GPD2: variants seen among roughly 807,000 people sequenced by gnomAD.
GPD2 encodes glycerol-3-phosphate dehydrogenase, mitochondrial.
In GPD2, 54 loss-of-function variants were observed where a neutral mutation model predicts 82.4. The observed-to-expected ratio is 0.66, with a 90% CI of 0.53 to 0.82. The LOEUF (loss-of-function observed/expected upper bound fraction) is 0.82. Ranked by LOEUF, GPD2 falls within the 40% of genes least tolerant of loss-of-function variation. The pLI, the probability that GPD2 is intolerant of heterozygous loss-of-function variation, is 0.00. For missense variants in GPD2, 748 were observed against 896.2 expected (o/e 0.83, Z 2.11); for synonymous variants, 288 against 306.1 (o/e 0.94, Z 0.62).
intron 13 of GPD2, 38 bp from the exon 14 acceptor site, chr2:156,578,851 C>G: frequency 8.6e-7 from 1 of 1,156,728 alleles, no homozygotes. Context: ...ATCAATATTT[C>G]CATGTGTCTT....
the GPD2 span, among the ~76,000 whole-genome samples, chr2:156,416,033 A>C: frequency 1.0e-5 from 1 of 98,646 alleles, no homozygotes; most frequent in Non-Finnish European, 2.6e-5. Flanking sequence ...AAAAAAAAAA[A>C]AACAAAAACA....
chr2:156,544,576 C>G (rs534806645), intron 6 of GPD2, among the ~76,000 whole-genome samples: 148 of 152,256 alleles, frequency 9.7e-4, no homozygotes, highest in Non-Finnish European at 1.7e-3. Flanking sequence ...TGATGAAACA[C>G]TTATCTTTTC....
intron 6 of GPD2, among the ~76,000 whole-genome samples, chr2:156,532,205 C>T (rs1269580462): frequency 6.6e-6 from 1 of 152,138 alleles, no homozygotes; most frequent in African/African-American, 2.4e-5. Context: ...CAAGGCCTTG[C>T]TTTGTTGCCC....
intron 4 of GPD2, among the ~76,000 whole-genome samples, chr2:156,511,677 A>G (rs947128957): frequency 1.3e-5 from 2 of 152,212 alleles, no homozygotes; most frequent in Non-Finnish European, 2.9e-5. Context: ...CTCAAAATCT[A>G]TGAGTCTGTT....
At chr2:156,506,298 C>T (rs967261342) in intron 3 of GPD2, among the ~76,000 whole-genome samples, 3 of 152,096 alleles carry the variant, frequency 2.0e-5, no homozygotes, top group African/African-American at 2.4e-5. Flanking sequence ...GGAGCAGTAT[C>T]GTTTCTTTCC....
chr2:156,404,194 C>A, the GPD2 span, among the ~76,000 whole-genome samples: 1 of 151,774 alleles, frequency 6.6e-6, no homozygotes, highest in Non-Finnish European at 1.5e-5. Context: ...ATAGTGAGAC[C>A]TTGTCTCTAC....
At chr2:156,490,956 C>T (rs893144109) in intron 2 of GPD2, among the ~76,000 whole-genome samples, 27 of 73,510 alleles carry the variant, frequency 3.7e-4, no homozygotes, top group Admixed American at 9.2e-4. Context: ...ATTTACAATT[C>T]TATGAGTTTT....
chr2:156,482,565 TG>T (rs1224966847), intron 2 of GPD2, among the ~76,000 whole-genome samples: 3 of 152,146 alleles, frequency 2.0e-5, no homozygotes, highest in East Asian at 1.9e-4. Flanking sequence ...TAACTTTTTT[TG>T]GGGGGGATAA....
At chr2:156,529,385 G>A (rs1685750336) in intron 6 of GPD2, among the ~76,000 whole-genome samples, 1 of 137,236 alleles carries the variant, frequency 7.3e-6, no homozygotes, top group African/African-American at 2.7e-5. Context: ...CCATTTTGTA[G>A]GTTGCCTGTT....
chr2:156,529,919 T>C (rs571764104), intron 6 of GPD2, among the ~76,000 whole-genome samples: 2,169 of 152,142 alleles, frequency 0.014, 29 homozygotes, highest in Non-Finnish European at 0.022. Context: ...CTTGGCGATG[T>C]GGGCTCTTTT....
chr2:156,528,202 A>G (rs969408609), intron 6 of GPD2, among the ~76,000 whole-genome samples: 12 of 152,054 alleles, frequency 7.9e-5, no homozygotes, highest in African/African-American at 2.7e-4. Context: ...TAATTGTAAG[A>G]AACATGTCTA....
chr2:156,444,461 C>A (rs1013489428), intron 1 of GPD2, among the ~76,000 whole-genome samples: 1 of 152,218 alleles, frequency 6.6e-6, no homozygotes, highest in Admixed American at 6.5e-5. Context: ...GCCTGTAATC[C>A]CAGCACTTTG....
chr2:156,444,256 A>C (rs1682276980), intron 1 of GPD2, among the ~76,000 whole-genome samples: 1 of 152,136 alleles, frequency 6.6e-6, no homozygotes, highest in South Asian at 2.1e-4. Context: ...TATAGCATTC[A>C]CATCTAGAGG....
intron 3 of GPD2, among the ~76,000 whole-genome samples, chr2:156,501,342 G>A (rs72895898): frequency 0.098 from 14,936 of 152,016 alleles, 914 homozygotes; most frequent in Non-Finnish European, 0.14. Context: ...TAATTCCTAA[G>A]GCAGTATAGC....
upstream of GPD2, chr2:156,436,333 G>A (rs1470611001): frequency 1.3e-5 from 2 of 152,494 alleles, no homozygotes; most frequent in East Asian, 3.9e-4. Flanking sequence ...GGAAGGCGGG[G>A]GCGCGGCCCG....
chr2:156,422,265 T>C, the GPD2 span, among the ~76,000 whole-genome samples: 3 of 152,296 alleles, frequency 2.0e-5, 1 homozygote, highest in African/African-American at 7.2e-5. Context: ...TCTCCTCAAA[T>C]CTTGTCATGA....
rs941408166 is a variant in GPD2, at chr2:156,506,924, A to G, written c.275-3872A>G. Among the ~76,000 whole-genome samples, 34 of 152,340 alleles carry G rather than the reference A, an allele frequency of 2.2e-4. 5 individuals carry two copies. The highest frequency in any genetic ancestry group is 2.0e-3 in the Admixed American group (30 of 15,294). On this transcript the variant is annotated intron_variant, in intron 3 of 16. Transcript: ENST00000438166. ...ATTCCTTTTTTATAATAATAAATTA[A>G]CAAGCACACCCTGGTTCCCCAGAAT...
chr2:156,578,328 C>T (rs1687897532), intron 13 of GPD2, among the ~76,000 whole-genome samples: 1 of 151,814 alleles, frequency 6.6e-6, no homozygotes. Flanking sequence ...ATTATAGTGA[C>T]AAGTCCAAGT....
intron 8 of GPD2, among the ~76,000 whole-genome samples, chr2:156,553,051 G>C (rs1686823377): frequency 6.6e-6 from 1 of 151,678 alleles, no homozygotes; most frequent in Admixed American, 6.6e-5. Context: ...ACCACACCCA[G>C]CTAATTTTCA....
Sources: allele counts gnomAD v4.1 joint callset (sites outside exome capture counted in the v4.1 genomes callset), GRCh38; gene constraint gnomAD v4.1.1; transcripts MANE v1.5; gene names NCBI Gene and HGNC (gene_info 2026-07-23, HGNC 2026-07-21).